Variants in RUVBL1 observed in about 807,000 individuals in gnomAD.
RUVBL1 encodes the protein RuvB like AAA ATPase 1.
In RUVBL1, 4 loss-of-function variants were observed where a neutral mutation model predicts 52.4. The ratio of observed to expected loss-of-function variants is 0.08; its 90% CI spans 0.04 to 0.17. RUVBL1 has a LOEUF of 0.17. Ranked by LOEUF, RUVBL1 falls within the 10% of genes least tolerant of loss-of-function variation. RUVBL1 has a pLI of 1.00. For synonymous variants in RUVBL1, 217 were observed against 214.4 expected (o/e 1.01, Z -0.10); for missense variants, 298 against 572.8 (o/e 0.52, Z 4.90).
At chr3:128,111,246 T>C (rs1943387586) in intron 3 of RUVBL1, among the ~76,000 whole-genome samples, 1 of 151,548 alleles carries the variant, frequency 6.6e-6, no homozygotes, top group Admixed American at 6.6e-5. Context: ...AGGCTTCTGT[T>C]TTCTAACTGC....
At chr3:128,104,407 G>A (rs1232052881) in intron 4 of RUVBL1, among the ~76,000 whole-genome samples, 4 of 152,152 alleles carry the variant, frequency 2.6e-5, no homozygotes, top group Admixed American at 2.6e-4. Context: ...TATGAGCATG[G>A]GCACTGATAA....
chr3:128,103,771 T>A (rs1454647145), intron 4 of RUVBL1, among the ~76,000 whole-genome samples: 1 of 152,170 alleles, frequency 6.6e-6, no homozygotes, highest in Non-Finnish European at 1.5e-5. Context: ...AGGAAAACTA[T>A]ACACACATAC....
chr3:128,067,835 A>T lies in RUVBL1; in HGVS notation c.940-2615T>A. The stretch of plus-strand genomic sequence containing the variant: ...CCACACTGTAAAGTTAGACTTTTTC[A>T]TATGACTTCCTTGCGGCAGTTTTAA... On this transcript the variant is annotated intron_variant, in intron 9 of 9. Coordinates refer to the RUVBL1 transcript ENST00000464873. This position sits in a 1 kb window ranked among gnomAD's most constrained non-coding sequence, Gnocchi z 4.1. 1.4e-6 allele frequency: 1 copy of T among 736,528 alleles called. No homozygotes were observed. Among genetic ancestry groups the T allele is most frequent in the Admixed American group, 2.3e-5 (1 of 44,350 alleles). The allele number at this position is 736,528 out of a possible 1,614,324, so 45.6% of individuals were successfully genotyped here.
intron 6 of RUVBL1, among the ~76,000 whole-genome samples, chr3:128,099,322 T>G (rs1295843807): frequency 6.6e-6 from 1 of 152,204 alleles, no homozygotes; most frequent in Non-Finnish European, 1.5e-5. Flanking sequence ...TTCTCCTTCC[T>G]AGAAGTTCCC....
intron 3 of RUVBL1, among the ~76,000 whole-genome samples, chr3:128,111,663 C>A (rs1943399449): frequency 6.6e-6 from 1 of 152,120 alleles, no homozygotes; most frequent in African/African-American, 2.4e-5. Flanking sequence ...AAACCAGAGC[C>A]CAGGGATACC....
intron 8 of RUVBL1, among the ~76,000 whole-genome samples, chr3:128,094,201 C>T (rs1262408552): frequency 6.6e-6 from 1 of 152,188 alleles, no homozygotes; most frequent in Non-Finnish European, 1.5e-5. Flanking sequence ...TGAGCTTCCA[C>T]GTGACTCCAA....
At chr3:128,132,515 G>A (rs546465463) in intron 1 of RUVBL1, among the ~76,000 whole-genome samples, 1 of 152,290 alleles carries the variant, frequency 6.6e-6, no homozygotes, top group East Asian at 1.9e-4. Flanking sequence ...AGAGAGGAGA[G>A]TAAAGGGGAC....
chr3:128,109,754 A>G (rs1198135555), intron 3 of RUVBL1, among the ~76,000 whole-genome samples: 1 of 150,282 alleles, frequency 6.7e-6, no homozygotes, highest in Non-Finnish European at 1.5e-5. Flanking sequence ...TTTGCCTCCT[A>G]AAGTGCTGAG....
In RUVBL1 at chr3:128,101,530, A is replaced by T. The variant is rs747625092; in HGVS notation, c.603+29T>A. ...TCTTCTCATGGCAAACAAATCAGGG[A>T]CAATGCTGTGTCCCAAGGAAGGCAT... On this transcript the variant is annotated intron_variant, in intron 5 of 10. Coordinates refer to ENST00000322623, the MANE Select transcript of RUVBL1 (RefSeq NM_003707.3). 8.0e-5 allele frequency: 128 copies of T among 1,599,990 alleles called. 2 individuals carry two copies. In the South Asian group the frequency reaches 1.3e-3, roughly 17 times the overall value.
intron 8 of RUVBL1, among the ~76,000 whole-genome samples, chr3:128,090,533 T>C (rs1194707830): frequency 6.6e-6 from 1 of 151,956 alleles, no homozygotes; most frequent in African/African-American, 2.4e-5. Flanking sequence ...CAAAAAAAAA[T>C]TAAAATCTTC....
At chr3:128,126,590 T>C (rs552356340), upstream of RUVBL1, among the ~76,000 whole-genome samples, 7 of 152,268 alleles carry the variant, frequency 4.6e-5, no homozygotes, top group South Asian at 1.0e-3. Flanking sequence ...ATTCTCATTT[T>C]ACATGTGACG....
rs759403014 is a variant in RUVBL1, at chr3:128,082,446, C to T, written c.1211+37G>A. 10 of 1,530,022 alleles carry T rather than the reference C, an allele frequency of 6.5e-6. No homozygotes were observed. The South Asian group carries it at 1.0e-4, about 15-fold the overall frequency. 94.8% of individuals were successfully genotyped at this position (1,530,022 alleles called of 1,614,324 possible). A position where few individuals can be genotyped will look rare whatever the true frequency, so the allele number is the denominator to read the frequency against. On this transcript the variant is annotated intron_variant, in intron 10 of 10. Coordinates refer to ENST00000322623, the MANE Select transcript of RUVBL1 (RefSeq NM_003707.3). The surrounding 1 kb of genome is among the most constrained non-coding windows in gnomAD (Gnocchi z 4.7). ...GACCCCAGCGAGGGCCCTGGCTGTG[C>T]TGGGGAGGCCCCGGCGGGCCCAGGG...
intron 1 of RUVBL1, among the ~76,000 whole-genome samples, chr3:128,131,758 A>G (rs1943879589): frequency 6.6e-6 from 1 of 152,226 alleles, no homozygotes; most frequent in South Asian, 2.1e-4. Flanking sequence ...TTCAGAAAAA[A>G]AATTTGACAA....
At chr3:128,140,665 G>T (rs562123042) in intron 1 of RUVBL1, among the ~76,000 whole-genome samples, 2 of 151,984 alleles carry the variant, frequency 1.3e-5, no homozygotes, top group African/African-American at 4.8e-5. Context: ...GTGTCCCATA[G>T]CAACATTTTG....
intron 1 of RUVBL1, among the ~76,000 whole-genome samples, chr3:128,130,575 A>T (rs114495576): frequency 0.011 from 1,623 of 148,150 alleles, 20 homozygotes; most frequent in African/African-American, 0.039. Context: ...AGGTTGGGAA[A>T]TAGCAAGACC....
rs1450969871 is a variant in RUVBL1 at position 128,100,583 on chromosome 3, TC to T, written c.753+11del. On this transcript the variant is annotated intron_variant, in intron 6 of 10. Transcript: ENST00000322623. ...GCTAATGTGCCAGATCACCCAGGCA[TC>T]GAGGCAGTACCTGGGGCCGCGCATT... 5 of 1,586,834 alleles carry T rather than the reference TC, an allele frequency of 3.2e-6. No homozygotes were observed. The highest frequency in any genetic ancestry group is 1.9e-5 in the Admixed American group (1 of 53,240).
At chr3:128,071,776 G>T (rs1020394161) in intron 9 of RUVBL1, 5 of 152,598 alleles carry the variant, frequency 3.3e-5, no homozygotes, top group African/African-American at 9.6e-5. Flanking sequence ...TGTGTCAAAG[G>T]CTTGGTTGGG....
In RUVBL1 at chr3:128,115,529, GA is replaced by G. The variant is rs201569919; in HGVS notation, c.229-2510del. 7.8e-4 allele frequency among the ~76,000 whole-genome samples: 119 copies of G among 152,298 alleles called. 2 individuals carry two copies. In the East Asian group the frequency reaches 0.016, roughly 21 times the overall value. On this transcript the variant is annotated intron_variant, in intron 2 of 10. Transcript: ENST00000322623. The stretch of plus-strand genomic sequence containing the variant: ...GGACCCTGCAGCAAACCATTAAGCA[GA>G]AGTCACCAAATTCCTTCATACACAT...
chr3:128,144,033 C>G (rs142049058), intron 1 of RUVBL1, among the ~76,000 whole-genome samples: 225 of 152,266 alleles, frequency 1.5e-3, no homozygotes, highest in African/African-American at 5.0e-3. Context: ...GGAGTTCTTG[C>G]CACTATATCA....
Sources: allele counts gnomAD v4.1 joint callset (sites outside exome capture counted in the v4.1 genomes callset), GRCh38; gene constraint gnomAD v4.1.1; non-coding constraint Gnocchi (gnomAD v3.1); transcripts MANE v1.5; gene names NCBI Gene and HGNC (gene_info 2026-07-23, HGNC 2026-07-21).